Variants in TMEM163 observed in about 807,000 individuals in gnomAD.
TMEM163 encodes the protein transmembrane protein 163.
Under a neutral mutation model 29.3 loss-of-function variants are expected in TMEM163, and 17 were observed. That is an observed-to-expected ratio of 0.58 (90% CI 0.40 to 0.87). The LOEUF is 0.87. TMEM163 is among the 40% of genes least tolerant of loss of function. The pLI is 0.00. For missense variants in TMEM163, 303 were observed against 381.5 expected (o/e 0.79, Z 1.71); for synonymous variants, 157 against 160.6 (o/e 0.98, Z 0.17).
Position 134,502,882 on chromosome 2 carries a change from G to C in TMEM163, c.555+19C>G. 1 of 1,610,572 alleles carries C rather than the reference G, an allele frequency of 6.2e-7. No homozygotes were observed. The highest frequency in any genetic ancestry group is 8.5e-7 in the Non-Finnish European group (1 of 1,177,856). Reference sequence around the variant, plus strand: ...CAGCGCTGGCAGGAAGGATTGTTAAGGAAGAAGAAGGACCTTACCACTTCT... The same window carrying C: ...CAGCGCTGGCAGGAAGGATTGTTAACGAAGAAGAAGGACCTTACCACTTCT... On this transcript the variant is annotated intron_variant, in intron 5 of 7. Coordinates refer to ENST00000281924, the MANE Select transcript of TMEM163 (RefSeq NM_030923.5).
intron 2 of TMEM163, among the ~76,000 whole-genome samples, chr2:134,712,425 T>C (rs186988486): frequency 6.6e-6 from 1 of 151,126 alleles, no homozygotes; most frequent in East Asian, 1.9e-4. Context: ...TTCTGTTAGG[T>C]AATAAATTCG....
At chr2:134,598,461 A>C (rs1682143416) in intron 2 of TMEM163, among the ~76,000 whole-genome samples, 1 of 152,184 alleles carries the variant, frequency 6.6e-6, no homozygotes, top group African/African-American at 2.4e-5. Flanking sequence ...CATTGGCCTT[A>C]ATTTACCAAT....
At chr2:134,645,059 G>C (rs1683304006) in intron 2 of TMEM163, among the ~76,000 whole-genome samples, 1 of 152,152 alleles carries the variant, frequency 6.6e-6, no homozygotes, top group Admixed American at 6.5e-5. Context: ...CTAAAACCAT[G>C]AGATACTACT....
In TMEM163 at chr2:134,456,438, A is replaced by G; in HGVS notation, c.*278T>C. On this transcript the variant is annotated 3_prime_UTR_variant, in exon 8 of 8. Coordinates refer to ENST00000281924, the MANE Select transcript of TMEM163 (RefSeq NM_030923.5). ...TTCTGCCAAAGATCTCATCCTACCC[A>G]TGAGAACCATCATACTCCAGAGACT... is the stretch of plus-strand genomic sequence containing the variant. 8.7e-6 allele frequency: 4 copies of G among 460,392 alleles called. No homozygotes were observed. The highest frequency in any genetic ancestry group is 2.5e-5 in the South Asian group (1 of 39,426). 28.5% of individuals were successfully genotyped at this position (460,392 alleles called of 1,614,324 possible).
At chr2:134,559,572 A>T (rs1681121479) in intron 2 of TMEM163, among the ~76,000 whole-genome samples, 1 of 152,060 alleles carries the variant, frequency 6.6e-6, no homozygotes, top group African/African-American at 2.4e-5. Context: ...TCTGGAGAGC[A>T]AGTGTTTGTT....
intron 2 of TMEM163, among the ~76,000 whole-genome samples, chr2:134,661,594 G>A (rs1324483231): frequency 1.3e-5 from 2 of 152,182 alleles, no homozygotes; most frequent in Non-Finnish European, 2.9e-5. Context: ...TTTTCAGGTA[G>A]ACACCTGCTA....
intron 2 of TMEM163, among the ~76,000 whole-genome samples, chr2:134,640,558 C>T (rs1163063522): frequency 6.6e-6 from 1 of 152,126 alleles, no homozygotes; most frequent in Non-Finnish European, 1.5e-5. Flanking sequence ...TCAGCAGAGG[C>T]CATCAAAACT....
intron 4 of TMEM163, among the ~76,000 whole-genome samples, chr2:134,518,874 A>C (rs951294116): frequency 6.6e-6 from 1 of 152,164 alleles, no homozygotes; most frequent in Non-Finnish European, 1.5e-5. Context: ...GTGTTCCAGG[A>C]AGAACTTACA....
intron 2 of TMEM163, among the ~76,000 whole-genome samples, chr2:134,614,591 C>T (rs554088550): frequency 2.6e-5 from 4 of 152,292 alleles, no homozygotes; most frequent in African/African-American, 9.6e-5. Flanking sequence ...CAGTGGCTCA[C>T]GCCCATAATC....
At chr2:134,511,050 C>A (rs897417752) in intron 4 of TMEM163, among the ~76,000 whole-genome samples, 8 of 149,178 alleles carry the variant, frequency 5.4e-5, no homozygotes, top group Non-Finnish European at 8.8e-5. Flanking sequence ...AACAGGACAG[C>A]AATTGCCTGT....
At position 134,550,280 on chromosome 2, in the gene TMEM163, A is replaced by G. The variant is rs1477696154; in HGVS notation, c.458+290T>C. On this transcript the variant is annotated intron_variant, in intron 4 of 7. Coordinates refer to ENST00000281924, the MANE Select transcript of TMEM163 (RefSeq NM_030923.5). ...AAAATCCAAGAGAACAAAGATTCCG[A>G]TAAGAAAAAGCAACAGGATGGATGG... Among the ~76,000 whole-genome samples, 9 of 152,332 alleles carry G rather than the reference A, an allele frequency of 5.9e-5. 1 individual carries two copies. In the South Asian group the frequency reaches 1.7e-3, roughly 28 times the overall value.
At chr2:134,496,641 T>A (rs1012909386) in intron 5 of TMEM163, among the ~76,000 whole-genome samples, 3 of 152,162 alleles carry the variant, frequency 2.0e-5, no homozygotes, top group Admixed American at 2.0e-4. Flanking sequence ...CTTTTATCAC[T>A]GGAGGGAAGC....
chr2:134,495,740 A>G (rs1305714726), intron 5 of TMEM163, among the ~76,000 whole-genome samples: 1 of 152,222 alleles, frequency 6.6e-6, no homozygotes, highest in Non-Finnish European at 1.5e-5. Flanking sequence ...AACTTTCATG[A>G]AGCAGACAGA....
chr2:134,590,316 G>A (rs981938711), intron 2 of TMEM163, among the ~76,000 whole-genome samples: 1 of 152,176 alleles, frequency 6.6e-6, no homozygotes, highest in Admixed American at 6.5e-5. Flanking sequence ...TCCTGGCCTT[G>A]CCTCCATGAA....
chr2:134,542,587 G>A (rs1006214262), intron 4 of TMEM163, among the ~76,000 whole-genome samples: 36 of 152,246 alleles, frequency 2.4e-4, no homozygotes, highest in African/African-American at 8.2e-4. Context: ...TCTCATAGGA[G>A]CACAAACCCT....
chr2:134,462,495 C>T (rs899813757), intron 6 of TMEM163, among the ~76,000 whole-genome samples: 1 of 152,200 alleles, frequency 6.6e-6, no homozygotes, highest in Non-Finnish European at 1.5e-5. Flanking sequence ...CTTCCTCACT[C>T]GGACTCCCTC....
In TMEM163 at chr2:134,485,489, G is replaced by A. The variant is rs369471145; in HGVS notation, c.555+17412C>T. 9.2e-5 allele frequency among the ~76,000 whole-genome samples: 14 copies of A among 152,278 alleles called. No individual in the cohort carries two copies. The East Asian group carries it at 1.2e-3, about 13-fold the overall frequency. On this transcript the variant is annotated intron_variant, in intron 5 of 7. Coordinates refer to ENST00000281924, the MANE Select transcript of TMEM163 (RefSeq NM_030923.5). ...CGGCTTGTATGATTACAGGAACTGC[G>A]TAAGTGAGTCTGAAGTCCACAGGCC...
At chr2:134,593,648 A>G (rs1000621963) in intron 2 of TMEM163, among the ~76,000 whole-genome samples, 1 of 151,472 alleles carries the variant, frequency 6.6e-6, no homozygotes, top group Non-Finnish European at 1.5e-5. Context: ...AGAGGAGAGG[A>G]GGGGTGGAAG....
chr2:134,621,822 T>C (rs1574287314), intron 2 of TMEM163, among the ~76,000 whole-genome samples: 1 of 151,620 alleles, frequency 6.6e-6, no homozygotes. Context: ...ACCCGGGAGG[T>C]GGAGCTTGCA....
Sources: gnomAD v4.1 joint callset for allele counts (sites outside exome capture counted in the v4.1 genomes callset) on GRCh38, gnomAD v4.1.1 for gene constraint, MANE v1.5 for transcripts, NCBI Gene and HGNC (gene_info 2026-07-23, HGNC 2026-07-21) for gene names.